RFC3: variants seen among roughly 807,000 people sequenced by gnomAD.
RFC3 encodes A1 38 kDa subunit.
A neutral mutation model predicts 45.1 loss-of-function variants in RFC3; 41 were observed. The observed-to-expected ratio is 0.91, with a 90% confidence interval of 0.71 to 1.18. The LOEUF (loss-of-function observed/expected upper bound fraction) is 1.18, where lower values mean the gene tolerates loss of function less well. RFC3 is among the 50% of genes most tolerant of loss of function. RFC3 has a pLI of 0.00. For missense variants in RFC3, 423 were observed against 428.1 expected (o/e 0.99, Z 0.10); for synonymous variants, 149 against 144.0 (o/e 1.03, Z -0.25).
At chr13:33,883,523 CACAA>C (rs2082499304) in intron 8 of RFC3, among the ~76,000 whole-genome samples, 1 of 152,104 alleles carries the variant, frequency 6.6e-6, no homozygotes, top group Non-Finnish European at 1.5e-5. Flanking sequence ...CATACACACA[CACAA>C]ACACTCACAC....
At chr13:33,966,472 T>A (rs573441208) in exon 9 of RFC3, 22 of 290,074 alleles carry the variant, frequency 7.6e-5, no homozygotes, top group Admixed American at 3.2e-4. Flanking sequence ...CTAACTCATC[T>A]GCTGGTACCT....
At position 33,909,481 on chromosome 13, in the gene RFC3, T is replaced by G. The variant is rs1289577473; in HGVS notation, c.880-56606T>G. Reference sequence around the variant, plus strand: ...CCTCTTCGTCATTTACCCTAAGCTCTTCCTCCTATTGTTCCTCTTACTTTT... The same window carrying G: ...CCTCTTCGTCATTTACCCTAAGCTCGTCCTCCTATTGTTCCTCTTACTTTT... On this transcript the variant is annotated intron_variant, in intron 8 of 8. Transcript: ENST00000434425. 2.6e-5 allele frequency among the ~76,000 whole-genome samples: 4 copies of G among 152,184 alleles called. No homozygotes were observed. In the South Asian group the frequency reaches 6.2e-4, roughly 24 times the overall value.
At chr13:33,964,935 C>T (rs183457558) in intron 8 of RFC3, among the ~76,000 whole-genome samples, 1 of 152,234 alleles carries the variant, frequency 6.6e-6, no homozygotes, top group Admixed American at 6.5e-5. Context: ...GAGTGTAAAC[C>T]TGGAGGCAGA....
chr13:33,904,912 G>T (rs1446034360), intron 8 of RFC3, among the ~76,000 whole-genome samples: 5 of 151,930 alleles, frequency 3.3e-5, no homozygotes, highest in Admixed American at 2.6e-4. Flanking sequence ...AAATAAGACC[G>T]AACAATATGT....
At chr13:33,829,590 C>T (rs1468878687) in intron 4 of RFC3, 3 of 495,122 alleles carry the variant, frequency 6.1e-6, no homozygotes, top group Admixed American at 3.6e-5. Flanking sequence ...CTGTTCCTCT[C>T]TATAGAAGTC....
chr13:33,928,397 T>C (rs909184184), intron 8 of RFC3, among the ~76,000 whole-genome samples: 9 of 152,132 alleles, frequency 5.9e-5, no homozygotes, highest in African/African-American at 2.2e-4. Flanking sequence ...TCCAATCAAG[T>C]TGTATAGTGA....
At chr13:33,966,828 TA>T (rs2083090226), downstream of RFC3, among the ~76,000 whole-genome samples, 1 of 152,032 alleles carries the variant, frequency 6.6e-6, no homozygotes, top group Admixed American at 6.6e-5. Context: ...AACATGCAAG[TA>T]AATTATATTG....
rs1318356001 is a variant in RFC3 at position 33,836,465 on chromosome 13, T to C, written c.*170T>C. 4 of 1,407,030 alleles carry C rather than the reference T, an allele frequency of 2.8e-6. No homozygotes were observed. In the African/African-American group the frequency reaches 4.3e-5, roughly 15 times the overall value. The allele number at this position is 1,407,030 out of a possible 1,614,324, so 87.2% of individuals were successfully genotyped here. A position where few individuals can be genotyped will look rare whatever the true frequency, so the allele number is the denominator to read the frequency against. On this transcript the variant is annotated 3_prime_UTR_variant, in exon 9 of 9. Transcript: ENST00000380071. Reference sequence around the variant, plus strand: ...ATCCTCTGAGTTAAATAATTGCTCCTATACTATTGAAGTATGTAGTTTTGT... The same window carrying C: ...ATCCTCTGAGTTAAATAATTGCTCCCATACTATTGAAGTATGTAGTTTTGT...
intron 8 of RFC3, among the ~76,000 whole-genome samples, chr13:33,869,691 G>A (rs1352397395): frequency 6.6e-6 from 1 of 152,212 alleles, no homozygotes; most frequent in Admixed American, 6.5e-5. Flanking sequence ...GGAAGGAGAA[G>A]TGGGTGCTTC....
intron 8 of RFC3, among the ~76,000 whole-genome samples, chr13:33,866,972 T>C (rs2082377633): frequency 1.3e-5 from 2 of 152,226 alleles, no homozygotes; most frequent in African/African-American, 4.8e-5. Flanking sequence ...GCATATTCTA[T>C]ACAATTGGAA....
intron 8 of RFC3, among the ~76,000 whole-genome samples, chr13:33,872,618 A>G (rs1019552407): frequency 7.9e-5 from 12 of 152,140 alleles, no homozygotes; most frequent in African/African-American, 2.7e-4. Context: ...CTGTAATACC[A>G]GCTACTCGGG....
downstream of RFC3, among the ~76,000 whole-genome samples, chr13:33,839,782 GTCTGCTGGTGAATTATCTTAAGAGTT>G (rs1198929004): frequency 6.6e-6 from 1 of 152,148 alleles, no homozygotes; most frequent in Non-Finnish European, 1.5e-5. Context: ...TGTGAAGCAG[GTCTGCTGGTGAATTATCTTAAGAGTT>G]TTTTGGCTTA....
intron 8 of RFC3, among the ~76,000 whole-genome samples, chr13:33,900,096 A>G (rs148508139): frequency 5.9e-4 from 90 of 152,194 alleles, no homozygotes; most frequent in Non-Finnish European, 1.1e-3. Flanking sequence ...TAAAATGACA[A>G]TACTACTCAA....
chr13:33,832,196 G>A (rs971326468), intron 7 of RFC3, among the ~76,000 whole-genome samples: 2 of 152,158 alleles, frequency 1.3e-5, no homozygotes, highest in African/African-American at 4.8e-5. Flanking sequence ...TATGAAGAAG[G>A]TTCCTCAGAC....
In RFC3 at chr13:33,953,958, G is replaced by T. The variant is rs140691859; in HGVS notation, c.880-12129G>T. Reference sequence around the variant, plus strand: ...GTTCCCTTTTAAGTTTAAAAGATAGGTGTTGCATAACTCTGAAAATCTGGG... The same window carrying T: ...GTTCCCTTTTAAGTTTAAAAGATAGTTGTTGCATAACTCTGAAAATCTGGG... On this transcript the variant is annotated intron_variant, in intron 8 of 8. Transcript: ENST00000434425. Among the ~76,000 whole-genome samples the T allele has an allele frequency of 2.8e-3, 420 of 152,260 alleles. 4 individuals are homozygous for T. Among genetic ancestry groups the T allele is most frequent in the African/African-American group, 9.5e-3 (393 of 41,552 alleles).
At chr13:33,856,865 A>C (rs892845354) in intron 8 of RFC3, among the ~76,000 whole-genome samples, 1 of 152,120 alleles carries the variant, frequency 6.6e-6, no homozygotes, top group Non-Finnish European at 1.5e-5. Context: ...AATTACTATG[A>C]CTTGAAAGGC....
chr13:33,885,522 T>C (rs893111482), intron 8 of RFC3, among the ~76,000 whole-genome samples: 2 of 152,186 alleles, frequency 1.3e-5, no homozygotes, highest in African/African-American at 2.4e-5. Flanking sequence ...CATTATTTAA[T>C]TATTTGCTAG....
intron 8 of RFC3, chr13:33,848,839 C>G (rs1329596768): frequency 6.6e-6 from 1 of 152,144 alleles, no homozygotes; most frequent in Non-Finnish European, 1.5e-5. Context: ...CAAGTAATTT[C>G]TATTAAAAAG....
chr13:33,832,380 AGAG>A (rs1175167384), intron 7 of RFC3, among the ~76,000 whole-genome samples: 1 of 152,230 alleles, frequency 6.6e-6, no homozygotes, highest in Non-Finnish European at 1.5e-5. Flanking sequence ...TGAAAATAAT[AGAG>A]GAATATGCCA....
Sources: allele counts gnomAD v4.1 joint callset (sites outside exome capture counted in the v4.1 genomes callset), GRCh38; gene constraint gnomAD v4.1.1; transcripts MANE v1.5; gene names NCBI Gene and HGNC (gene_info 2026-07-23, HGNC 2026-07-21).